The following SYCP2L variants were observed in gnomAD, a reference collection of about 807,000 sequenced individuals.
SYCP2L encodes the protein synaptonemal complex protein 2 like.
A neutral mutation model predicts 125.8 loss-of-function variants in SYCP2L; 98 were observed. The ratio of observed to expected loss-of-function variants is 0.78; its 90% CI spans 0.66 to 0.92. The LOEUF is 0.92. Among genes scored for constraint, SYCP2L ranks in the 40% least tolerant of loss-of-function variants. The pLI, the probability that SYCP2L is intolerant of heterozygous loss-of-function variation, is 0.00. For synonymous variants in SYCP2L, 317 were observed against 325.4 expected (o/e 0.97, Z 0.28); for missense variants, 842 against 936.4 (o/e 0.90, Z 1.32).
intron 14 of SYCP2L, among the ~76,000 whole-genome samples, chr6:10,914,312 G>A (rs139553946): frequency 1.9e-4 from 29 of 152,108 alleles, no homozygotes; most frequent in African/African-American, 5.5e-4. Context: ...TTTGTTTGCT[G>A]TATGTATTTG....
rs2113312032 is a variant in SYCP2L, at chr6:10,907,642, T to A, written c.777T>A (p.Ile259=). The part of the protein sequence containing the change: ...LVHKWFDDEV[I]AEAFKEIKDR... Reference sequence around the variant, plus strand: ...ATAAATGGTTTGATGATGAAGTCATTGCTGAAGCTTTCAAAGAAATTAAGG... The same window carrying A: ...ATAAATGGTTTGATGATGAAGTCATAGCTGAAGCTTTCAAAGAAATTAAGG... Residue 259 remains isoleucine (I), a synonymous_variant, in exon 10 of 30, where the codon ATT becomes ATA. Transcript: ENST00000283141. 1 of 1,613,096 alleles carries A rather than the reference T, an allele frequency of 6.2e-7. No individual in the cohort carries two copies. The highest frequency in any genetic ancestry group is 2.2e-5 in the East Asian group (1 of 44,854).
At chr6:10,910,406 C>G (rs1780586331) in intron 11 of SYCP2L, among the ~76,000 whole-genome samples, 1 of 152,162 alleles carries the variant, frequency 6.6e-6, no homozygotes, top group South Asian at 2.1e-4. Context: ...TAAAAATTAC[C>G]TCTATCAGTT....
At chr6:10,967,457 GTGTGTGTGT>G (rs1781701810) in intron 29 of SYCP2L, among the ~76,000 whole-genome samples, 2 of 134,168 alleles carry the variant, frequency 1.5e-5, no homozygotes, top group African/African-American at 3.1e-5. Flanking sequence ...GGTAGAGGGT[GTGTGTGTGT>G]GTGTGTGTGT....
At chr6:10,962,418 C>A (rs948495328) in intron 28 of SYCP2L, among the ~76,000 whole-genome samples, 1 of 150,440 alleles carries the variant, frequency 6.6e-6, no homozygotes, top group Admixed American at 6.7e-5. Context: ...CACACACCAT[C>A]TCCCTCTGTG....
chr6:10,935,018 ATTATGAATGTTAACAC>A, intron 20 of SYCP2L, 24 bp from the exon 21 acceptor site: 1 of 1,506,242 alleles, frequency 6.6e-7, no homozygotes, highest in South Asian at 1.3e-5. Flanking sequence ...CTTGTTTTTA[ATTATGAATGTTAACAC>A]TTAAAAAAGA....
chr6:10,924,043 G>T (rs1780856131), intron 14 of SYCP2L, among the ~76,000 whole-genome samples: 1 of 152,110 alleles, frequency 6.6e-6, no homozygotes, highest in Non-Finnish European at 1.5e-5. Context: ...TTGAAATGGT[G>T]GTAGATTATT....
At chr6:10,946,668 A>G (rs936685322) in intron 23 of SYCP2L, among the ~76,000 whole-genome samples, 23 of 152,000 alleles carry the variant, frequency 1.5e-4, no homozygotes, top group Admixed American at 1.3e-3. Context: ...TTTGTTTTCT[A>G]TTCTTCCTGA....
rs145418146 is a variant in SYCP2L at position 10,927,792 on chromosome 6, G to A, written c.1440+425G>A. On this transcript the variant is annotated intron_variant, in intron 17 of 29. Coordinates refer to ENST00000283141, the MANE Select transcript of SYCP2L (RefSeq NM_001040274.3). ...TCCTCGCCCTAATAAGCCTGGGAGC[G>A]CTATGGGAGACTGGGGCTTATTTTA... Among the ~76,000 whole-genome samples the A allele has an allele frequency of 3.4e-3, 511 of 152,258 alleles. 4 individuals are homozygous for A. Among genetic ancestry groups the A allele is most frequent in the Middle Eastern group, 0.031 (9 of 294 alleles).
In SYCP2L at chr6:10,928,427, G is replaced by T. The variant is rs748138538; in HGVS notation, c.1465G>T (p.Val489Phe). 4 of 1,584,246 alleles carry T rather than the reference G, an allele frequency of 2.5e-6. No individual in the cohort carries two copies. Among genetic ancestry groups the T allele is most frequent in the Non-Finnish European group, 3.4e-6 (4 of 1,166,270 alleles). The change falls in exon 18 of 30, where the codon GTC becomes TTC. Residue 489 changes from valine to phenylalanine, a missense_variant. By Grantham distance (50) the Val-to-Phe change is conservative. Coordinates refer to ENST00000283141, the MANE Select transcript of SYCP2L (RefSeq NM_001040274.3). ...SHLQPVPPFGVPDFPQQPKSH... is the reference protein window; with the variant it reads ...SHLQPVPPFGFPDFPQQPKSH... ...GCTTCAGCCGGTCCCTCCGTTCGGG[G>T]TCCCTGACTTCCCGCAACAACCTGT...
At chr6:10,930,709 G>A (rs1225728) in intron 19 of SYCP2L, among the ~76,000 whole-genome samples, 195 bp downstream of exon 19, 149,168 of 152,344 alleles carry the variant, frequency 0.98, 73,074 homozygotes, top group East Asian at 1. Context: ...TTAACCAACA[G>A]TTGTTACAGA....
rs989144798 is a variant in SYCP2L, at chr6:10,974,019, T to G, written c.*105T>G. 3 of 152,238 alleles carry G rather than the reference T, an allele frequency of 2.0e-5. No homozygotes were observed. The South Asian group carries it at 6.2e-4, about 32-fold the overall frequency. 9.4% of individuals were successfully genotyped at this position (152,238 alleles called of 1,614,324 possible). A position where few individuals can be genotyped will look rare whatever the true frequency, so the allele number is the denominator to read the frequency against. ...TGGCTCAGGCCTTGTTAGCCAGACT[T>G]CGTGCTCTGTACGCATTCAATTTCC... On this transcript the variant is annotated 3_prime_UTR_variant, in exon 30 of 30. Transcript: ENST00000283141.
chr6:10,932,385 A>C (rs372668106), intron 20 of SYCP2L, among the ~76,000 whole-genome samples: 1 of 152,180 alleles, frequency 6.6e-6, no homozygotes, highest in African/African-American at 2.4e-5. Flanking sequence ...GTTTTGTGTC[A>C]CGTGAGCTAT....
intron 20 of SYCP2L, among the ~76,000 whole-genome samples, chr6:10,931,846 T>G (rs907534982): frequency 2.6e-4 from 40 of 151,892 alleles, no homozygotes; most frequent in African/African-American, 9.2e-4. Context: ...ATGCTTATAG[T>G]CCCAGCTACG....
chr6:10,926,822 C>T (rs890899931), intron 16 of SYCP2L, among the ~76,000 whole-genome samples: 3 of 151,432 alleles, frequency 2.0e-5, no homozygotes, highest in African/African-American at 7.3e-5. Context: ...CTCTGTTGCC[C>T]AGGCTGGAGT....
At chr6:10,911,904 T>C (rs1041550240) in intron 12 of SYCP2L, among the ~76,000 whole-genome samples, 5 of 121,140 alleles carry the variant, frequency 4.1e-5, no homozygotes, top group African/African-American at 6.1e-5. Flanking sequence ...CTTTTTTTTT[T>C]TTTTTTTTTT....
chr6:10,963,680 G>A (rs1781628760), intron 28 of SYCP2L, 102 bp from the exon 29 acceptor site: 2 of 1,130,402 alleles, frequency 1.8e-6, no homozygotes, highest in Non-Finnish European at 2.6e-6. Context: ...GTAATATAAT[G>A]GTCTGTGAAA....
chr6:10,887,184 G>A, intron 1 of SYCP2L, 49 bp downstream of exon 1: 1 of 1,610,450 alleles, frequency 6.2e-7, no homozygotes, highest in Non-Finnish European at 8.5e-7. Context: ...GTGCTAGGGC[G>A]CGCGAGGGCG....
At chr6:10,946,203 A>G (rs1781312738) in intron 23 of SYCP2L, among the ~76,000 whole-genome samples, 1 of 151,960 alleles carries the variant, frequency 6.6e-6, no homozygotes, top group Admixed American at 6.6e-5. Context: ...TTGCATAAGT[A>G]TTTTTATTGT....
At chr6:10,935,750 T>C (rs112506063) in intron 21 of SYCP2L, among the ~76,000 whole-genome samples, 3,373 of 152,190 alleles carry the variant, frequency 0.022, 119 homozygotes, top group African/African-American at 0.067. Context: ...CCACCTTGCC[T>C]TCCCAAAGTG....
Sources: allele counts gnomAD v4.1 joint callset (sites outside exome capture counted in the v4.1 genomes callset), GRCh38; gene constraint gnomAD v4.1.1; transcripts MANE v1.5; gene names NCBI Gene and HGNC (gene_info 2026-07-23, HGNC 2026-07-21).